The following ROBO2 variants were observed in gnomAD, a reference collection of about 807,000 sequenced individuals.
ROBO2 encodes the protein roundabout homolog 2.
Under a neutral mutation model 160.8 loss-of-function variants are expected in ROBO2, and 53 were observed. The ratio of observed to expected loss-of-function variants is 0.33; its 90% confidence interval spans 0.26 to 0.41. The LOEUF (loss-of-function observed/expected upper bound fraction) is 0.41, where lower values mean the gene tolerates loss of function less well. ROBO2 is among the 10% of genes least tolerant of loss of function. The pLI, the probability that ROBO2 is intolerant of heterozygous loss-of-function variation, is 1.00. For synonymous variants in ROBO2, 664 were observed against 611.7 expected, an observed-to-expected ratio of 1.09 and a Z score of -1.26; for missense variants, 1,577 against 1,722.4, an observed-to-expected ratio of 0.92 and a Z score of 1.49.
At position 76,966,404 on chromosome 3, in the gene ROBO2, T is replaced by G. The variant is rs946571988; in HGVS notation, c.110-131610T>G. On this transcript the variant is annotated intron_variant, in intron 2 of 26. Coordinates refer to the ROBO2 transcript ENST00000487694. ...TGTGAGAAACTGAGTCATAATGTAG[T>G]TAAATACAATTTCCCAAAATCATAA... is the stretch of plus-strand genomic sequence containing the variant. Among the ~76,000 whole-genome samples the G allele has an allele frequency of 2.0e-5, 3 of 152,332 alleles. No individual in the cohort carries two copies. The East Asian group carries it at 5.8e-4, about 29-fold the overall frequency.
chr3:76,868,057 A>G (rs1242929765), intron 2 of ROBO2, among the ~76,000 whole-genome samples: 1 of 152,188 alleles, frequency 6.6e-6, no homozygotes, highest in South Asian at 2.1e-4. Context: ...ATTTGGCTCC[A>G]TTTTAGGAGT....
intron 2 of ROBO2, among the ~76,000 whole-genome samples, chr3:76,482,212 G>A (rs778126648): frequency 2.6e-5 from 4 of 152,052 alleles, no homozygotes; most frequent in Admixed American, 1.3e-4. Flanking sequence ...ACACAAATAA[G>A]TGTTTTGCCT....
chr3:76,934,244 C>T (rs938973533), intron 2 of ROBO2, among the ~76,000 whole-genome samples: 2 of 150,606 alleles, frequency 1.3e-5, no homozygotes, highest in Admixed American at 1.3e-4. Context: ...TTTTTAGGTA[C>T]AAAACAAATT....
intron 2 of ROBO2, among the ~76,000 whole-genome samples, chr3:76,310,483 G>T (rs1178743843): frequency 6.6e-6 from 1 of 152,100 alleles, no homozygotes. Context: ...TTGAGAACTT[G>T]CCCTTCCTGT....
intron 2 of ROBO2, among the ~76,000 whole-genome samples, chr3:77,219,434 G>GTGTGTATATATATATATATATA (rs1553852643): frequency 8.7e-6 from 1 of 115,260 alleles, no homozygotes. Context: ...GTATGTGTGT[G>GTGTGTATATATATATATATATA]TATATATATA....
intron 2 of ROBO2, among the ~76,000 whole-genome samples, chr3:76,513,520 G>A (rs1036472362): frequency 1.4e-4 from 21 of 151,964 alleles, no homozygotes; most frequent in Admixed American, 2.0e-4. Flanking sequence ...CACGCCTGGC[G>A]TGGCCTCCCA....
At chr3:76,103,590 A>C (rs2069794474) in intron 2 of ROBO2, among the ~76,000 whole-genome samples, 1 of 152,194 alleles carries the variant, frequency 6.6e-6, no homozygotes, top group Non-Finnish European at 1.5e-5. Context: ...GATTACGTTT[A>C]CAGACTGTCC....
chr3:77,645,953 T>C lies in ROBO2; in HGVS notation c.4136-101T>C, dbSNP rs991935686. ...CACAAACTCATCTATCTGAAGACCT[T>C]ATTTTCATTGATTATCTGTTGGCTT... On this transcript the variant is annotated intron_variant, in intron 25 of 25. Coordinates refer to ENST00000461745, the Ensembl canonical transcript of ROBO2. 1.0e-5 allele frequency: 8 copies of C among 774,574 alleles called. No homozygotes were observed. In the African/African-American group the frequency reaches 1.2e-4, roughly 12 times the overall value. 48.0% of individuals were successfully genotyped at this position (774,574 alleles called of 1,614,324 possible).
chr3:76,288,740 A>T (rs556952599), intron 2 of ROBO2, among the ~76,000 whole-genome samples: 1 of 152,114 alleles, frequency 6.6e-6, no homozygotes, highest in Non-Finnish European at 1.5e-5. Flanking sequence ...AATACGTAAA[A>T]TTTGATTTTC....
At chr3:77,189,642 G>A (rs1394534660) in intron 2 of ROBO2, among the ~76,000 whole-genome samples, 2 of 151,910 alleles carry the variant, frequency 1.3e-5, no homozygotes, top group East Asian at 3.9e-4. Flanking sequence ...TTTCTGGTGA[G>A]ACTTTTGTGA....
At chr3:76,800,792 G>A (rs1223469072) in intron 2 of ROBO2, among the ~76,000 whole-genome samples, 1 of 152,114 alleles carries the variant, frequency 6.6e-6, no homozygotes, top group East Asian at 1.9e-4. Context: ...AATTAGTACA[G>A]CCACTGCGGA....
In ROBO2 at chr3:76,517,001, C is replaced by T. The variant is rs2081374739; in HGVS notation, c.109+579399C>T. ...AATGGAGATGAGAAATACAGGATCC[C>T]TTTTAAGTAATATTATGTGTTTAAC... On this transcript the variant is annotated intron_variant, in intron 2 of 26. Coordinates refer to the ROBO2 transcript ENST00000487694. Among the ~76,000 whole-genome samples the T allele has an allele frequency of 2.6e-5, 4 of 152,086 alleles. No individual in the cohort carries two copies. The South Asian group carries it at 8.3e-4, about 32-fold the overall frequency.
At chr3:77,302,143 T>C (rs1337922290) in intron 2 of ROBO2, among the ~76,000 whole-genome samples, 1 of 151,888 alleles carries the variant, frequency 6.6e-6, no homozygotes, top group Non-Finnish European at 1.5e-5. Flanking sequence ...CATCTAGCCA[T>C]GTTGCCCAGG....
intron 2 of ROBO2, among the ~76,000 whole-genome samples, chr3:77,308,796 G>A (rs187920778): frequency 5.3e-5 from 8 of 152,264 alleles, no homozygotes; most frequent in Admixed American, 5.2e-4. Flanking sequence ...AATTCTTAGA[G>A]AATTGTATTT....
intron 2 of ROBO2, among the ~76,000 whole-genome samples, chr3:77,098,802 G>A (rs1239955884): frequency 6.6e-6 from 1 of 152,102 alleles, no homozygotes; most frequent in Admixed American, 6.6e-5. Context: ...CTTGCAGTGA[G>A]CCGAGATCGC....
intron 2 of ROBO2, among the ~76,000 whole-genome samples, chr3:77,127,685 C>T (rs2075466609): frequency 6.6e-6 from 1 of 152,088 alleles, no homozygotes; most frequent in African/African-American, 2.4e-5. Context: ...ATAAAGTTGA[C>T]ATTTTATCTT....
At chr3:76,308,679 C>G (rs2071435357) in intron 2 of ROBO2, among the ~76,000 whole-genome samples, 1 of 152,144 alleles carries the variant, frequency 6.6e-6, no homozygotes, top group South Asian at 2.1e-4. Context: ...GCTTTCTCTT[C>G]TCTCTTCTGG....
intron 1 of ROBO2, among the ~76,000 whole-genome samples, chr3:77,058,088 T>G (rs115471809): frequency 0.019 from 2,954 of 152,304 alleles, 43 homozygotes; most frequent in Non-Finnish European, 0.032. Flanking sequence ...AATACTCGGA[T>G]GTTTTCCTAA....
intron 20 of ROBO2, among the ~76,000 whole-genome samples, chr3:77,606,689 G>A (rs2094532376): frequency 6.6e-6 from 1 of 152,196 alleles, no homozygotes. Context: ...GGCTGATGCA[G>A]ATGAGTAATT....
Sources: allele counts gnomAD v4.1 joint callset (sites outside exome capture counted in the v4.1 genomes callset), GRCh38; gene constraint gnomAD v4.1.1; transcripts MANE v1.5; gene names NCBI Gene and HGNC (gene_info 2026-07-23, HGNC 2026-07-21).